The following PKHD1L1 variants were observed in gnomAD, a reference collection of about 807,000 sequenced individuals.
PKHD1L1 encodes the protein fibrocystin-L.
Under a neutral mutation model 462.9 loss-of-function variants are expected in PKHD1L1, and 434 were observed. The observed-to-expected ratio is 0.94, with a 90% CI of 0.87 to 1.02. PKHD1L1 has a LOEUF of 1.02. Among genes scored for constraint, PKHD1L1 ranks in the 50% least tolerant of loss-of-function variants. The pLI, the probability that PKHD1L1 is intolerant of heterozygous loss-of-function variation, is 0.00. For synonymous variants in PKHD1L1, 1,781 were observed against 1,750.0 expected (o/e 1.02, Z -0.44); for missense variants, 5,202 against 5,096.1 (o/e 1.02, Z -0.63).
Position 109,532,369 on chromosome 8 carries a change from A to T in PKHD1L1, c.*2279A>T, listed in dbSNP as rs1821060803. Reference sequence around the variant, plus strand: ...AAATTACAATTTAATTACTACTTTTAAAAATGCTTGAATTATTGGAATCCA... The same window carrying T: ...AAATTACAATTTAATTACTACTTTTTAAAATGCTTGAATTATTGGAATCCA... On this transcript the variant is annotated 3_prime_UTR_variant, in exon 78 of 78. Transcript: ENST00000378402. Among the ~76,000 whole-genome samples the T allele has an allele frequency of 1.3e-5, 2 of 152,204 alleles. No individual in the cohort carries two copies. The highest frequency in any genetic ancestry group is 6.5e-5 in the Admixed American group (1 of 15,280).
chr8:109,483,037 A>G lies in PKHD1L1; in HGVS notation c.9508A>G (p.Thr3170Ala). Residue 3170 changes from threonine to alanine, a missense_variant, in exon 57 of 78, where the codon ACT becomes GCT. Around this residue, in one of 3 missense-constraint regions of PKHD1L1, gnomAD observed 4,497 missense variants for 4,336.8 expected, o/e 1.04. Coordinates refer to ENST00000378402, the MANE Select transcript of PKHD1L1 (RefSeq NM_177531.6). ...TGGAATTCCACATTCAATATATAAA[A>G]CTAAGCTCTCAGAAACTGCATTTGC... is the stretch of plus-strand genomic sequence containing the variant. ...LHGIPHSIYK[T>A]KLSETAFAGS... 6.2e-7 allele frequency: 1 copy of G among 1,601,786 alleles called. No individual in the cohort carries two copies. Among genetic ancestry groups the G allele is most frequent in the Non-Finnish European group, 8.5e-7 (1 of 1,174,088 alleles).
chr8:109,461,752 C>T lies in PKHD1L1; in HGVS notation c.7247-20C>T, dbSNP rs1307840146. Reference sequence around the variant, plus strand: ...GATTCCGACAATTTTTTTAATGATGCTTTAAAAACTGTTTTGAAGGAGAAT... The same window carrying T: ...GATTCCGACAATTTTTTTAATGATGTTTTAAAAACTGTTTTGAAGGAGAAT... On this transcript the variant is annotated intron_variant, in intron 47 of 77. Coordinates refer to ENST00000378402, the MANE Select transcript of PKHD1L1 (RefSeq NM_177531.6). The T allele has an allele frequency of 2.5e-6, 4 of 1,592,168 alleles. No individual in the cohort carries two copies. Among genetic ancestry groups the T allele is most frequent in the Admixed American group, 1.8e-5 (1 of 56,146 alleles).
chr8:109,415,940 C>T (rs1343582147), intron 21 of PKHD1L1, among the ~76,000 whole-genome samples: 2 of 141,346 alleles, frequency 1.4e-5, no homozygotes, highest in Non-Finnish European at 3.1e-5. Context: ...TAATATAAAA[C>T]ATCAACATCA....
intron 26 of PKHD1L1, 79 bp from the exon 27 acceptor site, chr8:109,429,853 C>A: frequency 3.3e-6 from 3 of 906,754 alleles, no homozygotes; most frequent in East Asian, 2.6e-5. Flanking sequence ...AAAATTCCAT[C>A]ACTTTTGTTA....
At chr8:109,415,839 C>T (rs376183452) in intron 21 of PKHD1L1, among the ~76,000 whole-genome samples, 7 of 125,634 alleles carry the variant, frequency 5.6e-5, no homozygotes, top group African/African-American at 1.8e-4. Context: ...CAGAATGAGA[C>T]CTTGTCTTAA....
At chr8:109,491,646 T>G (rs1818832040) in intron 61 of PKHD1L1, among the ~76,000 whole-genome samples, 1 of 151,894 alleles carries the variant, frequency 6.6e-6, no homozygotes, top group African/African-American at 2.4e-5. Context: ...AACCCACATA[T>G]TTAACAAGCA....
In PKHD1L1 at chr8:109,435,294, T is replaced by C; in HGVS notation, c.3445T>C (p.Phe1149Leu). 2.5e-6 allele frequency: 4 copies of C among 1,613,606 alleles called. No individual in the cohort carries two copies. Among genetic ancestry groups the C allele is most frequent in the Non-Finnish European group, 3.4e-6 (4 of 1,179,758 alleles). Residue 1149 changes from phenylalanine (F) to leucine (L), a missense_variant, in exon 29 of 78, where the codon TTC becomes CTC. Physicochemically the swap from Phe to Leu is conservative, Grantham distance 22. Coordinates refer to ENST00000378402, the MANE Select transcript of PKHD1L1 (RefSeq NM_177531.6). ...GLAQNVGGEE[F>L]YFVYQSQISH... ...AGCACAGAATGTAGGGGGTGAAGAG[T>C]TCTACTTTGTTTATCAGAGTCAGAT... is the stretch of plus-strand genomic sequence containing the variant.
intron 19 of PKHD1L1, among the ~76,000 whole-genome samples, chr8:109,410,879 C>T (rs1813822565): frequency 6.6e-6 from 1 of 151,546 alleles, no homozygotes. Flanking sequence ...CAGGCTTGCG[C>T]CACCATGCCT....
intron 2 of PKHD1L1, among the ~76,000 whole-genome samples, chr8:109,375,721 T>A (rs1811784367): frequency 1.3e-5 from 2 of 152,216 alleles, no homozygotes; most frequent in South Asian, 4.1e-4. Flanking sequence ...CTTCTAACAG[T>A]CAGGACCCTC....
chr8:109,466,787 G>A lies in PKHD1L1; in HGVS notation c.8605+18G>A, dbSNP rs1669669157. 1 of 1,576,406 alleles carries A rather than the reference G, an allele frequency of 6.3e-7. No individual in the cohort carries two copies. Among genetic ancestry groups the A allele is most frequent in the Non-Finnish European group, 8.6e-7 (1 of 1,162,310 alleles). On this transcript the variant is annotated intron_variant, in intron 50 of 77. Coordinates refer to ENST00000378402, the MANE Select transcript of PKHD1L1 (RefSeq NM_177531.6). ...CTCTTTTGGTAAGTGGAATATATTAGTTTAAACAACTAATTTAAATATATC... is the reference window on the plus strand; with the variant it reads ...CTCTTTTGGTAAGTGGAATATATTAATTTAAACAACTAATTTAAATATATC...
At chr8:109,454,951 G>T in intron 45 of PKHD1L1, 99 bp downstream of exon 45, 3 of 1,393,854 alleles carry the variant, frequency 2.2e-6, no homozygotes, top group East Asian at 2.5e-5. Context: ...CTGTGATAAA[G>T]TGAAAGTGTG....
Position 109,443,880 on chromosome 8 carries a change from G to A in PKHD1L1, c.4769G>A (p.Ser1590Asn). The part of the protein sequence containing the change: ...ELITIIGHGF[S>N]NLPWANKVTI... ...ATAACAATTATTGGACATGGCTTTA[G>A]TAATCTCCCATGGGCTAATAAGGTA... Residue 1590 changes from serine (S) to asparagine (N), a missense_variant, in exon 37 of 78, where the codon AGT becomes AAT. Ser to Asn is a conservative substitution (Grantham distance 46). Transcript: ENST00000378402. 6.2e-7 allele frequency: 1 copy of A among 1,612,370 alleles called. No individual in the cohort carries two copies. The highest frequency in any genetic ancestry group is 8.5e-7 in the Non-Finnish European group (1 of 1,178,500).
intron 76 of PKHD1L1, among the ~76,000 whole-genome samples, chr8:109,524,635 AT>A (rs1820722464): frequency 6.6e-6 from 1 of 152,200 alleles, no homozygotes; most frequent in South Asian, 2.1e-4. Context: ...AGGTTTTGGC[AT>A]TTTACTGTGG....
At chr8:109,483,338 A>C (rs970696859) in intron 57 of PKHD1L1, among the ~76,000 whole-genome samples, 2 of 150,816 alleles carry the variant, frequency 1.3e-5, no homozygotes, top group Non-Finnish European at 3.0e-5. Flanking sequence ...TATAATACAT[A>C]GGTATGTATA....
In PKHD1L1 at chr8:109,475,769, A is replaced by G. The variant is rs535589951; in HGVS notation, c.8757+500A>G. Among the ~76,000 whole-genome samples, 9 of 146,734 alleles carry G rather than the reference A, an allele frequency of 6.1e-5. No individual in the cohort carries two copies. In the East Asian group the frequency reaches 1.8e-3, roughly 30 times the overall value. ...AGACTGGGGCAGGAGAATCGCTTGA[A>G]CCCAAGAGGCAGAGGTTGCAGTGAA... is the stretch of plus-strand genomic sequence containing the variant. On this transcript the variant is annotated intron_variant, in intron 51 of 77. Transcript: ENST00000378402.
At position 109,534,597 on chromosome 8, in the gene PKHD1L1, T is replaced by A. The variant is rs1030937087; in HGVS notation, c.*4507T>A. Among the ~76,000 whole-genome samples, 3 of 152,174 alleles carry A rather than the reference T, an allele frequency of 2.0e-5. No individual in the cohort carries two copies. The highest frequency in any genetic ancestry group is 7.2e-5 in the African/African-American group (3 of 41,438). On this transcript the variant is annotated 3_prime_UTR_variant, in exon 78 of 78. Transcript: ENST00000378402. ...GGCATTTTCAGCTTCCCCATTATGG[T>A]AGTAGCTGCAAGGAGTGTTCAGTCT...
At chr8:109,470,592 T>A (rs1261662857) in intron 50 of PKHD1L1, 1 of 1,583,572 alleles carries the variant, frequency 6.3e-7, no homozygotes, top group Admixed American at 1.8e-5. Flanking sequence ...AGCCTACTGA[T>A]GTTGTTGATA....
intron 14 of PKHD1L1, among the ~76,000 whole-genome samples, chr8:109,403,301 A>T (rs1353116165): frequency 6.6e-6 from 1 of 152,198 alleles, no homozygotes; most frequent in Non-Finnish European, 1.5e-5. Context: ...CTCAAATATT[A>T]AAAACATAGC....
At chr8:109,483,210 C>A (rs1798260847) in intron 57 of PKHD1L1, 105 bp downstream of exon 57, 3 of 771,790 alleles carry the variant, frequency 3.9e-6, no homozygotes, top group South Asian at 3.0e-5. Context: ...TGTGATTAAC[C>A]AGATGAAAAA....
Sources: allele counts gnomAD v4.1 joint callset (sites outside exome capture counted in the v4.1 genomes callset), GRCh38; gene constraint gnomAD v4.1.1; regional missense constraint gnomAD v4.1.1; transcripts MANE v1.5; gene names NCBI Gene and HGNC (gene_info 2026-07-23, HGNC 2026-07-21).